Variants in SLC4A4 observed in about 807,000 individuals in gnomAD.
SLC4A4 encodes the protein solute carrier family 4 member 4, also known as electrogenic sodium bicarbonate cotransporter 1.
A neutral mutation model predicts 111.5 loss-of-function variants in SLC4A4; 27 were observed. The observed-to-expected ratio is 0.24, with a 90% CI of 0.18 to 0.33. The LOEUF is 0.33. Among genes scored for constraint, SLC4A4 ranks in the 10% least tolerant of loss-of-function variants. The pLI is 1.00. For synonymous variants in SLC4A4, 443 were observed against 463.4 expected, an observed-to-expected ratio of 0.96 and a Z score of 0.57; for missense variants, 909 against 1,315.5, an observed-to-expected ratio of 0.69 and a Z score of 4.78.
intron 1 of SLC4A4, among the ~76,000 whole-genome samples, chr4:71,187,634 G>C (rs1414041871): frequency 6.6e-6 from 1 of 152,216 alleles, no homozygotes; most frequent in Non-Finnish European, 1.5e-5. Context: ...AGGGTTTAGA[G>C]GAAGAGTTTG....
At chr4:71,190,499 C>G (rs938590643) in intron 1 of SLC4A4, among the ~76,000 whole-genome samples, 1 of 151,632 alleles carries the variant, frequency 6.6e-6, no homozygotes, top group Non-Finnish European at 1.5e-5. Flanking sequence ...TTTCGTAATA[C>G]TTCTGTGGCA....
intron 20 of SLC4A4, among the ~76,000 whole-genome samples, chr4:71,552,526 A>G (rs1024693824): frequency 6.6e-6 from 1 of 151,920 alleles, no homozygotes; most frequent in Non-Finnish European, 1.5e-5. Context: ...CTATCAGCAC[A>G]TCAAAGGGAG....
intron 2 of SLC4A4, among the ~76,000 whole-genome samples, chr4:71,120,602 T>C (rs1683789699): frequency 6.6e-6 from 1 of 152,224 alleles, no homozygotes; most frequent in Admixed American, 6.5e-5. Flanking sequence ...ATGCGGTGGC[T>C]TATGCCTGTA....
intron 3 of SLC4A4, among the ~76,000 whole-genome samples, chr4:71,264,026 T>G (rs1329490762): frequency 6.6e-6 from 1 of 152,176 alleles, no homozygotes; most frequent in Non-Finnish European, 1.5e-5. Flanking sequence ...GCAGTGATAT[T>G]TGTTAATTAC....
chr4:71,560,017 G>A, intron 22 of SLC4A4, 76 bp from the exon 23 acceptor site: 1 of 1,147,334 alleles, frequency 8.7e-7, no homozygotes, highest in Non-Finnish European at 1.3e-6. Flanking sequence ...TGTGGTCTTT[G>A]ATAGGAGAGT....
chr4:71,471,347 A>G (rs1727849753), intron 13 of SLC4A4, among the ~76,000 whole-genome samples: 1 of 151,912 alleles, frequency 6.6e-6, no homozygotes, highest in African/African-American at 2.4e-5. Context: ...TAAAAGGGAT[A>G]ATTTTGGCTG....
intron 6 of SLC4A4, among the ~76,000 whole-genome samples, chr4:71,360,522 C>T (rs183993658): frequency 9.6e-4 from 146 of 152,226 alleles, no homozygotes; most frequent in Non-Finnish European, 1.7e-3. Flanking sequence ...GAGTCAGCCA[C>T]ATCACTGACA....
intron 3 of SLC4A4, among the ~76,000 whole-genome samples, chr4:71,263,165 C>G (rs1346245554): frequency 6.6e-6 from 1 of 151,992 alleles, no homozygotes; most frequent in East Asian, 1.9e-4. Context: ...ATGAGTAAAG[C>G]AACAATGTAA....
chr4:71,532,702 C>G (rs190769061), intron 17 of SLC4A4, among the ~76,000 whole-genome samples: 86 of 152,112 alleles, frequency 5.7e-4, no homozygotes, highest in Non-Finnish European at 9.9e-4. Context: ...GACAAGGTCT[C>G]ACTATATTAC....
intron 7 of SLC4A4, chr4:71,437,669 G>A (rs1724281906): frequency 2.1e-6 from 1 of 483,304 alleles, no homozygotes; most frequent in Admixed American, 2.1e-5. Flanking sequence ...AAGATGCTGA[G>A]AGCACAGGCC....
intron 6 of SLC4A4, among the ~76,000 whole-genome samples, chr4:71,366,347 G>GTA (rs1553898910): frequency 6.6e-6 from 1 of 150,394 alleles, no homozygotes; most frequent in Non-Finnish European, 1.5e-5. Flanking sequence ...GTGTGTGTGT[G>GTA]TGTGTGTGTA....
At chr4:71,261,870 A>T (rs1299334021) in intron 3 of SLC4A4, among the ~76,000 whole-genome samples, 1 of 152,112 alleles carries the variant, frequency 6.6e-6, no homozygotes, top group African/African-American at 2.4e-5. Flanking sequence ...AGTTCAGGAG[A>T]CCTCAAAGGG....
At chr4:71,451,715 G>T (rs962136422) in intron 11 of SLC4A4, among the ~76,000 whole-genome samples, 1 of 152,044 alleles carries the variant, frequency 6.6e-6, no homozygotes, top group African/African-American at 2.4e-5. Context: ...TGTGGGGGTG[G>T]GCTGCAACAG....
At chr4:71,480,543 C>T (rs1440259822) in intron 14 of SLC4A4, among the ~76,000 whole-genome samples, 1 of 151,690 alleles carries the variant, frequency 6.6e-6, no homozygotes, top group Non-Finnish European at 1.5e-5. Flanking sequence ...TAAAAGCATA[C>T]ATATTTAACT....
At chr4:71,301,113 T>C in intron 3 of SLC4A4, 1 of 377,176 alleles carries the variant, frequency 2.7e-6, no homozygotes, top group Non-Finnish European at 5.3e-6. Flanking sequence ...GCTGTCCACA[T>C]GGCACAGTGC....
chr4:71,496,845 G>T lies in SLC4A4; in HGVS notation c.1975-656G>T, dbSNP rs116366903. On this transcript the variant is annotated intron_variant, in intron 15 of 25. Transcript: ENST00000264485. Reference sequence around the variant, plus strand: ...CATACACAACTACATAGCCTTAAAGGCATCACAGCACATACAAAGAACAGA... The same window carrying T: ...CATACACAACTACATAGCCTTAAAGTCATCACAGCACATACAAAGAACAGA... 4.9e-3 allele frequency among the ~76,000 whole-genome samples: 744 copies of T among 152,088 alleles called. 13 individuals are homozygous for T. Among genetic ancestry groups the T allele is most frequent in the African/African-American group, 0.017 (712 of 41,480 alleles).
At chr4:71,378,628 T>C (rs1717774267) in intron 6 of SLC4A4, among the ~76,000 whole-genome samples, 1 of 152,200 alleles carries the variant, frequency 6.6e-6, no homozygotes, top group African/African-American at 2.4e-5. Flanking sequence ...TCTGTGCACA[T>C]GTGAGTGAGA....
At chr4:71,065,249 A>G (rs1741487011) in intron 1 of SLC4A4, among the ~76,000 whole-genome samples, 1 of 152,134 alleles carries the variant, frequency 6.6e-6, no homozygotes, top group South Asian at 2.1e-4. Context: ...ATTTAACCGT[A>G]TGGTGTTTTA....
chr4:71,402,627 C>G (rs1403893439), intron 7 of SLC4A4, among the ~76,000 whole-genome samples: 45 of 152,186 alleles, frequency 3.0e-4, no homozygotes, highest in Non-Finnish European at 1.5e-4. Flanking sequence ...CAGATGGAAT[C>G]ACATCTGTGA....
Sources: gnomAD v4.1 joint callset for allele counts (sites outside exome capture counted in the v4.1 genomes callset) on GRCh38, gnomAD v4.1.1 for gene constraint, MANE v1.5 for transcripts, NCBI Gene and HGNC (gene_info 2026-07-23, HGNC 2026-07-21) for gene names.